The following EIF3K variants were observed in gnomAD, a reference collection of about 807,000 sequenced individuals.
EIF3K encodes eukaryotic translation initiation factor 3 subunit K, also known as eIF-3 p28.
Under a neutral mutation model 34.2 loss-of-function variants are expected in EIF3K, and 27 were observed. That is an observed-to-expected ratio of 0.79 (90% CI 0.58 to 1.09). The LOEUF is 1.09. EIF3K is among the 50% of genes least tolerant of loss of function. EIF3K has a pLI of 0.00. For synonymous variants in EIF3K, 105 were observed against 105.7 expected, an observed-to-expected ratio of 0.99 and a Z score of 0.04; for missense variants, 232 against 275.4, an observed-to-expected ratio of 0.84 and a Z score of 1.11.
chr19:38,622,479 C>T (rs1975863306), intron 2 of EIF3K, among the ~76,000 whole-genome samples: 1 of 152,212 alleles, frequency 6.6e-6, no homozygotes, highest in Admixed American at 6.5e-5. Flanking sequence ...GGGCGACAGA[C>T]ATCAAGTACT....
At chr19:38,620,796 A>G (rs1975823046) in intron 2 of EIF3K, among the ~76,000 whole-genome samples, 1 of 152,152 alleles carries the variant, frequency 6.6e-6, no homozygotes, top group Non-Finnish European at 1.5e-5. Context: ...CGGGAGGCTG[A>G]GGCAGGAGAA....
chr19:38,622,950 C>T (rs778602673), intron 2 of EIF3K, among the ~76,000 whole-genome samples: 8 of 152,216 alleles, frequency 5.3e-5, no homozygotes, highest in African/African-American at 1.4e-4. Context: ...TGCTGTTATC[C>T]TGTTCTTTTT....
At chr19:38,620,754 C>T (rs1223151998) in intron 2 of EIF3K, among the ~76,000 whole-genome samples, 1 of 152,044 alleles carries the variant, frequency 6.6e-6, no homozygotes, top group East Asian at 1.9e-4. Context: ...ATTAGCCAGG[C>T]GTGGTGCCAC....
At position 38,623,065 on chromosome 19, in the gene EIF3K, G is replaced by T. The variant is rs1013981830; in HGVS notation, c.159-1012G>T. ...GGAACGATATACATCCTCCTCAACT[G>T]ACAGGATTAAGAGATTAAAGTAAAG... On this transcript the variant is annotated intron_variant, in intron 2 of 7. Coordinates refer to ENST00000248342, the MANE Select transcript of EIF3K (RefSeq NM_013234.4). Among the ~76,000 whole-genome samples the T allele has an allele frequency of 3.9e-5, 6 of 152,256 alleles. No homozygotes were observed. The East Asian group carries it at 1.2e-3, about 29-fold the overall frequency.
chr19:38,621,109 A>G (rs1392674372), intron 2 of EIF3K, among the ~76,000 whole-genome samples: 1 of 150,734 alleles, frequency 6.6e-6, no homozygotes, highest in Non-Finnish European at 1.5e-5. Context: ...AGGTGGAAGG[A>G]TCGCTTAAGC....
At position 38,619,205 on chromosome 19, in the gene EIF3K, C is replaced by T. The variant is rs1259534416; in HGVS notation, c.-64C>T. On this transcript the variant is annotated 5_prime_UTR_variant, in exon 1 of 8. Coordinates refer to ENST00000248342, the MANE Select transcript of EIF3K (RefSeq NM_013234.4). Reference sequence around the variant, plus strand: ...TCCACCACCTCTTCCTGTTCCCGTCCTTGAGGACGCCGTGCCGGGTCAGTG... The same window carrying T: ...TCCACCACCTCTTCCTGTTCCCGTCTTTGAGGACGCCGTGCCGGGTCAGTG... 2.2e-5 allele frequency: 35 copies of T among 1,584,232 alleles called. No individual in the cohort carries two copies. The East Asian group carries it at 6.6e-4, about 30-fold the overall frequency.
At chr19:38,621,282 G>A (rs534355085) in intron 2 of EIF3K, among the ~76,000 whole-genome samples, 48 of 150,164 alleles carry the variant, frequency 3.2e-4, no homozygotes, top group East Asian at 2.0e-3. Context: ...GCCCAGTGGC[G>A]CATGGCTGTA....
intron 4 of EIF3K, chr19:38,628,420 CT>C (rs1975992198): frequency 6.6e-6 from 1 of 152,422 alleles, no homozygotes. Context: ...CCGCTTCCTC[CT>C]AGCTTCTCAG....
intron 6 of EIF3K, among the ~76,000 whole-genome samples, chr19:38,634,727 G>C (rs574002035): frequency 1.3e-5 from 2 of 152,258 alleles, no homozygotes; most frequent in South Asian, 4.1e-4. Flanking sequence ...CCCAGGGAGA[G>C]AAAACAGAGG....
In EIF3K at chr19:38,632,497, G is replaced by T. The variant is rs769379927; in HGVS notation, c.421+1G>T. 3.7e-6 allele frequency: 6 copies of T among 1,614,084 alleles called. No individual in the cohort carries two copies. The Admixed American group carries it at 8.3e-5, about 22-fold the overall frequency. ...GGCTTTGAAGACTCTGTCCGAAAGT[G>T]TAAGTCCCTCTCTGAGGCTGGGCTC... On this transcript the variant is annotated splice_donor_variant, in intron 5 of 7. Transcript: ENST00000248342. LOFTEE classifies it high-confidence loss of function.
rs1168304285 is a variant in EIF3K, at chr19:38,623,929, G to T, written c.159-148G>T. 7 of 1,270,306 alleles carry T rather than the reference G, an allele frequency of 5.5e-6. No homozygotes were observed. The African/African-American group carries it at 7.4e-5, about 13-fold the overall frequency. The allele number at this position is 1,270,306 out of a possible 1,614,324, so 78.7% of individuals were successfully genotyped here. On this transcript the variant is annotated intron_variant, in intron 2 of 7. Coordinates refer to ENST00000248342, the MANE Select transcript of EIF3K (RefSeq NM_013234.4). ...GAAAGGTAGGCTCAGGGAGGTGAAG[G>T]TTACACAGCTGGGAAGCACTGGGAC...
chr19:38,620,610 A>G (rs565847743), intron 2 of EIF3K, among the ~76,000 whole-genome samples, 175 bp downstream of exon 2: 1 of 152,086 alleles, frequency 6.6e-6, no homozygotes, highest in African/African-American at 2.4e-5. Flanking sequence ...TGAAAAATCA[A>G]TTGCCGGGCG....
At chr19:38,627,454 C>T (rs905021981) in intron 4 of EIF3K, among the ~76,000 whole-genome samples, 2 of 151,608 alleles carry the variant, frequency 1.3e-5, no homozygotes, top group Non-Finnish European at 2.9e-5. Context: ...CACCTGAGGT[C>T]GGGAGTTCGA....
In EIF3K at chr19:38,635,079, A is replaced by C. The variant is rs1976161266; in HGVS notation, c.586A>C (p.Ile196Leu). The change falls in exon 7 of 8, where the codon ATT becomes CTT. Residue 196 changes from isoleucine (I) to leucine (L), a missense_variant. Coordinates refer to ENST00000248342, the MANE Select transcript of EIF3K (RefSeq NM_013234.4). ...CTTCATCTGTAGCCAAGAAGAGAGC[A>C]TTAAACCCAAGAACATTGTGGAGAA... Reference protein sequence around the residue: ...QIFICSQEESIKPKNIVEKID... With the variant: ...QIFICSQEESLKPKNIVEKID... The C allele has an allele frequency of 6.2e-7, 1 of 1,614,126 alleles. No individual in the cohort carries two copies. The highest frequency in any genetic ancestry group is 1.3e-5 in the African/African-American group (1 of 74,952).
intron 2 of EIF3K, among the ~76,000 whole-genome samples, chr19:38,622,761 G>C (rs1207927375): frequency 6.6e-6 from 1 of 152,220 alleles, no homozygotes; most frequent in Non-Finnish European, 1.5e-5. Context: ...GCCCCGGGGG[G>C]CCCGTTCAGA....
chr19:38,622,300 G>A (rs765738812), intron 2 of EIF3K, among the ~76,000 whole-genome samples: 11 of 152,052 alleles, frequency 7.2e-5, no homozygotes, highest in Non-Finnish European at 1.5e-4. Context: ...CCTAAGCATT[G>A]GCTGGCTTGA....
intron 2 of EIF3K, 93 bp downstream of exon 2, chr19:38,620,528 G>C: frequency 9.7e-7 from 1 of 1,031,512 alleles, no homozygotes; most frequent in Non-Finnish European, 1.5e-6. Context: ...GTAGTATCCT[G>C]AACAATGCAG....
At chr19:38,629,817 G>A (rs1015681286) in intron 4 of EIF3K, among the ~76,000 whole-genome samples, 14 of 152,294 alleles carry the variant, frequency 9.2e-5, no homozygotes, top group African/African-American at 2.6e-4. Flanking sequence ...CCTGTGGCTG[G>A]AGCAGGGTGA....
intron 4 of EIF3K, among the ~76,000 whole-genome samples, chr19:38,627,094 C>T (rs1975965667): frequency 6.6e-6 from 1 of 152,158 alleles, no homozygotes; most frequent in African/African-American, 2.4e-5. Flanking sequence ...TCAACTGATT[C>T]TCGTGCCTCA....
Sources: allele counts gnomAD v4.1 joint callset (sites outside exome capture counted in the v4.1 genomes callset), GRCh38; gene constraint gnomAD v4.1.1; transcripts MANE v1.5; gene names NCBI Gene and HGNC (gene_info 2026-07-23, HGNC 2026-07-21).